PTBP1: variants seen among roughly 807,000 people sequenced by gnomAD.
PTBP1 encodes the protein polypyrimidine tract-binding protein 1.
In PTBP1, 8 loss-of-function variants were observed where a neutral mutation model predicts 59.8. That is an observed-to-expected ratio of 0.13 (90% CI 0.08 to 0.24). The LOEUF is 0.24. PTBP1 is among the 10% of genes least tolerant of loss of function. PTBP1 has a pLI of 1.00. For synonymous variants in PTBP1, 490 were observed against 320.7 expected (o/e 1.53, Z -5.64); for missense variants, 686 against 767.0 (o/e 0.89, Z 1.25).
intron 13 of PTBP1, among the ~76,000 whole-genome samples, chr19:809,363 G>A (rs985141036): frequency 7.3e-5 from 11 of 149,900 alleles, no homozygotes; most frequent in East Asian, 3.9e-4. Flanking sequence ...ACGCTCTGTC[G>A]CCCAGGCTGG....
Position 810,827 on chromosome 19 carries a change from G to C in PTBP1, c.*1G>C. ...CTCCTTCTCCAAGTCCACCATCTAG[G>C]GGCACAGGCCCCCACGGCCGGGCCC... On this transcript the variant is annotated 3_prime_UTR_variant, in exon 15 of 15. Coordinates refer to ENST00000356948, the MANE Select transcript of PTBP1 (RefSeq NM_002819.5). The C allele has an allele frequency of 6.4e-7, 1 of 1,561,464 alleles. No homozygotes were observed. The highest frequency in any genetic ancestry group is 8.6e-7 in the Non-Finnish European group (1 of 1,161,666).
Position 804,569 on chromosome 19 carries a change from A to G in PTBP1, c.473A>G (p.Gln158Arg). The change falls in exon 6 of 15, where the codon CAG (glutamine) becomes CGG (arginine). Residue 158 changes from glutamine (Q) to arginine (R), a missense_variant. Gln to Arg is a conservative substitution (Grantham distance 43). Transcript: ENST00000356948. The stretch of plus-strand genomic sequence containing the variant: ...GCCCTGCAGGCGGTGAACTCGGTCC[A>G]GTCGGGGAACCTGGCCTTGGCTGCC... The part of the protein sequence containing the change: ...QAALQAVNSV[Q>R]SGNLALAASA... 1.9e-6 allele frequency: 3 copies of G among 1,609,330 alleles called. No individual in the cohort carries two copies. The highest frequency in any genetic ancestry group is 2.5e-6 in the Non-Finnish European group (3 of 1,179,088).
At chr19:810,515 C>G (rs761555386) in intron 13 of PTBP1, 28 bp from the exon 14 acceptor site, 2 of 1,607,530 alleles carry the variant, frequency 1.2e-6, no homozygotes, top group East Asian at 2.2e-5. Flanking sequence ...CCACGCGGCC[C>G]CAGGCTCACG....
chr19:806,591 C>G, intron 10 of PTBP1, 35 bp downstream of exon 10: 2 of 1,466,342 alleles, frequency 1.4e-6, no homozygotes, highest in Non-Finnish European at 1.8e-6. Context: ...GCCGTTCCTC[C>G]CGGAAGAGCG....
intron 2 of PTBP1, among the ~76,000 whole-genome samples, chr19:803,220 T>C (rs351984): frequency 0.97 from 148,477 of 152,316 alleles, 72,376 homozygotes; most frequent in East Asian, 1. Context: ...CCAGGGCCGC[T>C]GGCAGCACAG....
At chr19:806,301 C>A (rs1048841921) in intron 9 of PTBP1, 107 bp from the exon 10 acceptor site, 1 of 1,295,366 alleles carries the variant, frequency 7.7e-7, no homozygotes, top group African/African-American at 1.6e-5. Flanking sequence ...AGGGCCGCCT[C>A]CCGCGCGGCT....
chr19:804,986 G>A (rs748843809), intron 7 of PTBP1, 27 bp from the exon 8 acceptor site: 17 of 1,612,106 alleles, frequency 1.1e-5, no homozygotes, highest in South Asian at 3.3e-5. Context: ...CTGGCCCGGC[G>A]ACGTCTCACG....
Position 801,856 on chromosome 19 carries a change from CT to C in PTBP1, c.40-1703del, listed in dbSNP as rs1206027176. Among the ~76,000 whole-genome samples the C allele has an allele frequency of 3.3e-5, 5 of 152,302 alleles. No individual in the cohort carries two copies. The East Asian group carries it at 9.7e-4, about 29-fold the overall frequency. On this transcript the variant is annotated intron_variant, in intron 2 of 14. Transcript: ENST00000356948. ...TTCCCCTGGGCCTGCGCAGCCCCGC[CT>C]TGTGCTCATAGGGGGCCCCAGACTC...
Position 808,445 on chromosome 19 carries a change from C to T in PTBP1, c.1239C>T (p.Ala413=), listed in dbSNP as rs748267919. ...ALVQMADGNQ[A]QLAMSHLNGH... is the part of the protein sequence containing the mutation. ...TGCAGATGGCGGACGGCAACCAGGCCCAGCTGGGTAAGAGGCCGGGGCGGC... is the reference window on the plus strand; with the variant it reads ...TGCAGATGGCGGACGGCAACCAGGCTCAGCTGGGTAAGAGGCCGGGGCGGC... Residue 413 remains alanine, a synonymous_variant, in exon 12 of 15, where the codon GCC becomes GCT. Transcript: ENST00000356948. The surrounding 1 kb of genome is among the most constrained non-coding windows in gnomAD (Gnocchi z 4.7). 2 of 1,603,126 alleles carry T rather than the reference C, an allele frequency of 1.2e-6. No individual in the cohort carries two copies. Among genetic ancestry groups the T allele is most frequent in the African/African-American group, 1.3e-5 (1 of 74,762 alleles).
intron 4 of PTBP1, 42 bp downstream of exon 4, chr19:804,250 G>A (rs1377409848): frequency 6.2e-7 from 1 of 1,611,796 alleles, no homozygotes; most frequent in African/African-American, 1.3e-5. Context: ...CACCGTGCAG[G>A]CGGGGACGAG....
rs773639455 is a variant in PTBP1 at position 806,445 on chromosome 19, C to G, written c.1008C>G (p.Pro336=). The change falls in exon 10 of 15, where the codon CCC becomes CCG. Residue 336 remains proline, a synonymous_variant. Coordinates refer to ENST00000356948, the MANE Select transcript of PTBP1 (RefSeq NM_002819.5). ...SVPNVHGALA[P]LAIPSAAAAA... is the part of the protein sequence containing the mutation. ...CGAACGTCCACGGCGCCCTGGCCCC[C>G]CTGGCCATCCCCTCGGCGGCGGCGG... The G allele has an allele frequency of 2.8e-5, 45 of 1,601,668 alleles. No homozygotes were observed. Among genetic ancestry groups the G allele is most frequent in the East Asian group, 4.6e-5 (2 of 43,412 alleles).
At chr19:810,184 G>A (rs2034789382) in intron 13 of PTBP1, among the ~76,000 whole-genome samples, 1 of 152,212 alleles carries the variant, frequency 6.6e-6, no homozygotes, top group Non-Finnish European at 1.5e-5. Context: ...TTGCGTGCCT[G>A]TAATCCCAGC....
Position 811,098 on chromosome 19 carries a change from G to T in PTBP1, c.*272G>T. On this transcript the variant is annotated 3_prime_UTR_variant, in exon 15 of 15. Transcript: ENST00000356948. Reference sequence around the variant, plus strand: ...ACCCTCGGGGCCATGCCTTGGTGGGGCCTGTGTCGGGCGTGGGGCCTGCAG... The same window carrying T: ...ACCCTCGGGGCCATGCCTTGGTGGGTCCTGTGTCGGGCGTGGGGCCTGCAG... 1 of 353,390 alleles carries T rather than the reference G, an allele frequency of 2.8e-6. No homozygotes were observed. The allele number at this position is 353,390 out of a possible 1,614,324, so 21.9% of individuals were successfully genotyped here.
intron 1 of PTBP1, among the ~76,000 whole-genome samples, chr19:798,922 C>T (rs2034203182): frequency 1.3e-5 from 2 of 152,264 alleles, no homozygotes; most frequent in Non-Finnish European, 2.9e-5. Context: ...GCCTCCTGCT[C>T]TCCTCGGTGG....
rs1005578763 is a variant in PTBP1, at chr19:808,231, G to T, written c.1154-129G>T. ...CCCTGTGGCTGCGAGACGCAGCTCCGCAGTGGCCGATAAAGCAAACCCGGC... is the reference window on the plus strand; with the variant it reads ...CCCTGTGGCTGCGAGACGCAGCTCCTCAGTGGCCGATAAAGCAAACCCGGC... On this transcript the variant is annotated intron_variant, in intron 11 of 14. Transcript: ENST00000356948. This position sits in a 1 kb window ranked among gnomAD's most constrained non-coding sequence, Gnocchi z 4.7. 5.2e-6 allele frequency: 4 copies of T among 769,332 alleles called. No individual in the cohort carries two copies. The highest frequency in any genetic ancestry group is 3.7e-4 in the Middle Eastern group (1 of 2,696). The allele number at this position is 769,332 out of a possible 1,614,324, so 47.7% of individuals were successfully genotyped here. A position where few individuals can be genotyped will look rare whatever the true frequency, so the allele number is the denominator to read the frequency against.
chr19:801,856 C>T (rs2034350662), intron 2 of PTBP1, among the ~76,000 whole-genome samples: 2 of 152,184 alleles, frequency 1.3e-5, no homozygotes. Flanking sequence ...GCAGCCCCGC[C>T]TTGTGCTCAT....
At chr19:799,670 C>CT (rs1481066310) in intron 2 of PTBP1, among the ~76,000 whole-genome samples, 2 of 152,240 alleles carry the variant, frequency 1.3e-5, no homozygotes, top group Non-Finnish European at 2.9e-5. Flanking sequence ...GGTCTGGAAT[C>CT]TGAGCTGCTC....
At chr19:798,916 C>T (rs138176133) in intron 1 of PTBP1, among the ~76,000 whole-genome samples, 1,632 of 152,364 alleles carry the variant, frequency 0.011, 21 homozygotes, top group African/African-American at 0.037. Context: ...ACGGCCGCCT[C>T]CTGCTCTCCT....
chr19:800,037 C>T (rs1045372728), intron 2 of PTBP1, among the ~76,000 whole-genome samples: 5 of 151,980 alleles, frequency 3.3e-5, no homozygotes, highest in Admixed American at 3.3e-4. Flanking sequence ...AGCGATTCTC[C>T]TGCCTCAACC....
Sources: gnomAD v4.1 joint callset for allele counts (sites outside exome capture counted in the v4.1 genomes callset) on GRCh38, gnomAD v4.1.1 for gene constraint, Gnocchi (gnomAD v3.1) non-coding constraint, MANE v1.5 for transcripts, NCBI Gene and HGNC (gene_info 2026-07-23, HGNC 2026-07-21) for gene names.